The following SHPRH variants were observed in gnomAD, a reference collection of about 807,000 sequenced individuals.
SHPRH encodes the protein SNF2 histone linker PHD RING helicase, also known as E3 ubiquitin-protein ligase SHPRH.
A neutral mutation model predicts 202.5 loss-of-function variants in SHPRH; 106 were observed. The observed-to-expected ratio is 0.52, with a 90% CI of 0.45 to 0.62. SHPRH has a LOEUF of 0.62. Among genes scored for constraint, SHPRH ranks in the 20% least tolerant of loss-of-function variants. SHPRH has a pLI of 0.00. For missense variants in SHPRH, 1,710 were observed against 2,020.0 expected (o/e 0.85, Z 2.94); for synonymous variants, 729 against 686.0 (o/e 1.06, Z -0.98).
chr6:145,874,006 C>A (rs1366515113), intron 2 of SHPRH, among the ~76,000 whole-genome samples: 1 of 151,960 alleles, frequency 6.6e-6, no homozygotes. Context: ...CAAGACCAGC[C>A]TGGCCAACAT....
chr6:145,936,710 T>A (rs1262833753), intron 11 of SHPRH, among the ~76,000 whole-genome samples: 1 of 152,166 alleles, frequency 6.6e-6, no homozygotes, highest in Non-Finnish European at 1.5e-5. Flanking sequence ...AAAATAATAA[T>A]AAAAATATCC....
At chr6:145,919,987 C>A (rs1405392352) in intron 21 of SHPRH, among the ~76,000 whole-genome samples, 2 of 152,052 alleles carry the variant, frequency 1.3e-5, no homozygotes, top group African/African-American at 4.8e-5. Context: ...CATGGGGCAA[C>A]CACTATTCTG....
intron 25 of SHPRH, among the ~76,000 whole-genome samples, chr6:145,897,163 GA>G (rs1782083929): frequency 6.6e-6 from 1 of 151,686 alleles, no homozygotes; most frequent in East Asian, 1.9e-4. Context: ...GGTAGACTAA[GA>G]AAAAATAAGA....
intron 3 of SHPRH, among the ~76,000 whole-genome samples, chr6:145,951,460 T>C (rs987170178): frequency 1.3e-5 from 2 of 152,062 alleles, no homozygotes; most frequent in Non-Finnish European, 2.9e-5. Flanking sequence ...TCAGTTGTTT[T>C]AGACTTTTAC....
chr6:145,891,837 T>C (rs1267626217), intron 28 of SHPRH, among the ~76,000 whole-genome samples: 1 of 152,128 alleles, frequency 6.6e-6, no homozygotes, highest in Admixed American at 6.6e-5. Flanking sequence ...ACTCGTGGTT[T>C]TAAATATGAG....
intron 3 of SHPRH, chr6:145,951,836 G>A: frequency 2.2e-6 from 1 of 456,008 alleles, no homozygotes; most frequent in South Asian, 1.5e-5. Flanking sequence ...CAGTAGTGTT[G>A]ATGAGCTGCA....
At chr6:145,915,724 T>C (rs1414510154) in intron 23 of SHPRH, among the ~76,000 whole-genome samples, 1 of 152,228 alleles carries the variant, frequency 6.6e-6, no homozygotes, top group South Asian at 2.1e-4. Flanking sequence ...AAGTATTAAA[T>C]GTTTTATCTC....
At chr6:145,883,929 G>C (rs1780774694), downstream of SHPRH, 1 of 152,130 alleles carries the variant, frequency 6.6e-6, no homozygotes, top group South Asian at 2.1e-4. Context: ...ACTTAAGCCT[G>C]AGGTTATTCA....
At chr6:145,907,167 T>A (rs1298834805) in intron 25 of SHPRH, 2 of 152,128 alleles carry the variant, frequency 1.3e-5, no homozygotes, top group Non-Finnish European at 2.9e-5. Context: ...CTTCCAAATA[T>A]CTTGTATCAT....
At chr6:145,879,076 C>A (rs1311832192) in intron 2 of SHPRH, among the ~76,000 whole-genome samples, 1 of 152,194 alleles carries the variant, frequency 6.6e-6, no homozygotes, top group South Asian at 2.1e-4. Flanking sequence ...AAATATTAGT[C>A]ATTTCTCAGT....
intron 2 of SHPRH, chr6:145,878,086 G>A (rs961839329): frequency 6.6e-6 from 1 of 152,104 alleles, no homozygotes; most frequent in Non-Finnish European, 1.5e-5. Context: ...ATTTTACAGA[G>A]TTTGACTCTT....
chr6:145,934,677 C>A (rs1170040052), intron 13 of SHPRH, among the ~76,000 whole-genome samples: 3 of 150,508 alleles, frequency 2.0e-5, no homozygotes, highest in Non-Finnish European at 3.0e-5. Context: ...CAAAAAAAAA[C>A]AAACAACAAC....
intron 2 of SHPRH, among the ~76,000 whole-genome samples, chr6:145,876,022 C>T (rs1251941715): frequency 6.6e-6 from 1 of 152,188 alleles, no homozygotes; most frequent in Non-Finnish European, 1.5e-5. Context: ...AATTCACACA[C>T]CATGAAATTC....
intron 2 of SHPRH, among the ~76,000 whole-genome samples, chr6:145,879,461 GT>G (rs1780453279): frequency 6.6e-6 from 1 of 152,122 alleles, no homozygotes; most frequent in African/African-American, 2.4e-5. Context: ...AACTCTTGAA[GT>G]TTATCTGCAC....
rs200191587 is a variant in SHPRH at position 145,955,203 on chromosome 6, G to A, written c.120C>T (p.Asp40=). ...TATCTGAACCTGGGCAGGGCTGCTCGTCATCATCACTTATGATGATAGGTT... is the reference window on the plus strand; with the variant it reads ...TATCTGAACCTGGGCAGGGCTGCTCATCATCATCACTTATGATGATAGGTT... ...RNEPIIISDD[D]EQPCPGSDTS... is the part of the protein sequence containing the mutation. The change falls in exon 2 of 30, where the codon GAC becomes GAT. Residue 40 remains aspartate (D), a synonymous_variant. Transcript: ENST00000275233. The A allele has an allele frequency of 7.4e-5, 120 of 1,613,476 alleles. No individual in the cohort carries two copies. Among genetic ancestry groups the A allele is most frequent in the Middle Eastern group, 1.6e-4 (1 of 6,084 alleles).
chr6:145,900,383 C>G lies in SHPRH; in HGVS notation c.4516-5406G>C, dbSNP rs144793695. 6.0e-4 allele frequency among the ~76,000 whole-genome samples: 92 copies of G among 152,196 alleles called. 4 individuals carry two copies. The South Asian group carries it at 0.018, about 30-fold the overall frequency. On this transcript the variant is annotated intron_variant, in intron 25 of 29. Transcript: ENST00000275233. Reference sequence around the variant, plus strand: ...ATGTACCTGAAAGACACCATGCTAACTGAAATAAACCAGGCACAGAAAAGA... The same window carrying G: ...ATGTACCTGAAAGACACCATGCTAAGTGAAATAAACCAGGCACAGAAAAGA...
intron 2 of SHPRH, among the ~76,000 whole-genome samples, chr6:145,952,909 C>T (rs1035229223): frequency 5.9e-5 from 9 of 151,942 alleles, no homozygotes; most frequent in Non-Finnish European, 1.0e-4. Flanking sequence ...AACACTAAAA[C>T]GTGTAAAAAA....
At chr6:145,911,573 G>A (rs1378487411) in intron 24 of SHPRH, among the ~76,000 whole-genome samples, 1 of 152,128 alleles carries the variant, frequency 6.6e-6, no homozygotes, top group Non-Finnish European at 1.5e-5. Context: ...AGTTCTAAAA[G>A]CTATGGCATC....
downstream of SHPRH, among the ~76,000 whole-genome samples, chr6:145,860,591 T>A (rs933925080): frequency 1.3e-5 from 2 of 152,036 alleles, no homozygotes; most frequent in African/African-American, 2.4e-5. Flanking sequence ...ATCTACAGAT[T>A]CAATGCAATC....
Sources: allele counts gnomAD v4.1 joint callset (sites outside exome capture counted in the v4.1 genomes callset), GRCh38; gene constraint gnomAD v4.1.1; transcripts MANE v1.5; gene names NCBI Gene and HGNC (gene_info 2026-07-23, HGNC 2026-07-21).